Variants in PPP2R2B observed in about 807,000 individuals in gnomAD.
PPP2R2B encodes serine/threonine-protein phosphatase 2A 55 kDa regulatory subunit B beta isoform.
In PPP2R2B, 5 loss-of-function variants were observed where a neutral mutation model predicts 46.0. The observed-to-expected ratio is 0.11, with a 90% confidence interval of 0.06 to 0.23. The LOEUF (loss-of-function observed/expected upper bound fraction) is 0.23. PPP2R2B is among the 10% of genes least tolerant of loss of function. The pLI is 1.00. For synonymous variants in PPP2R2B, 215 were observed against 206.7 expected (o/e 1.04, Z -0.34); for missense variants, 367 against 575.0 (o/e 0.64, Z 3.70).
intron 2 of PPP2R2B, among the ~76,000 whole-genome samples, chr5:146,753,171 C>G (rs1212231943): frequency 6.6e-6 from 1 of 152,186 alleles, no homozygotes; most frequent in East Asian, 1.9e-4. Flanking sequence ...TTGTATTTAT[C>G]ATGACACATG....
intron 1 of PPP2R2B, among the ~76,000 whole-genome samples, chr5:146,966,620 C>G (rs1351121863): frequency 1.3e-5 from 2 of 152,180 alleles, no homozygotes; most frequent in Non-Finnish European, 2.9e-5. Flanking sequence ...ATCCCCTTCT[C>G]TTGCCCCTAA....
intron 5 of PPP2R2B, among the ~76,000 whole-genome samples, chr5:146,666,954 C>T (rs1259503141): frequency 2.0e-5 from 3 of 152,136 alleles, no homozygotes; most frequent in Admixed American, 6.6e-5. Context: ...AATGTGATTT[C>T]CTAACCTCTC....
intron 2 of PPP2R2B, among the ~76,000 whole-genome samples, chr5:146,748,092 T>A (rs1374672333): frequency 1.3e-5 from 2 of 152,212 alleles, no homozygotes; most frequent in Admixed American, 6.5e-5. Context: ...TGTAACTGCA[T>A]GACCTCATTT....
chr5:146,958,804 C>T (rs577599228), intron 1 of PPP2R2B, among the ~76,000 whole-genome samples: 4 of 152,170 alleles, frequency 2.6e-5, no homozygotes, highest in Non-Finnish European at 5.9e-5. Flanking sequence ...CTTCCGAGTG[C>T]CTTTGTGTGA....
exon 1 of PPP2R2B, chr5:147,055,826 C>T (rs1757063915): frequency 6.5e-7 from 1 of 1,533,040 alleles, no homozygotes. Flanking sequence ...AAGCTGGCTA[C>T]ATCACCAATA....
chr5:146,964,576 A>G (rs1752320318), intron 1 of PPP2R2B, among the ~76,000 whole-genome samples: 1 of 151,622 alleles, frequency 6.6e-6, no homozygotes, highest in African/African-American at 2.4e-5. Flanking sequence ...CCCAGACTGG[A>G]GTGCAGTGGC....
Position 146,589,437 on chromosome 5 carries a change from T to TG in PPP2R2B, c.*509dup, listed in dbSNP as rs1221096399. The TG allele has an allele frequency of 6.5e-6, 1 of 152,746 alleles. No homozygotes were observed. The highest frequency in any genetic ancestry group is 1.5e-5 in the Non-Finnish European group (1 of 68,750). 9.5% of individuals were successfully genotyped at this position (152,746 alleles called of 1,614,324 possible). ...AAATTGTTCAAAGGAAAATGGAAAA[T>TG]GGAAAAAAAAATGGTGGAGGGGCAG... On this transcript the variant is annotated 3_prime_UTR_variant, in exon 10 of 10. Transcript: ENST00000394411.
intron 2 of PPP2R2B, among the ~76,000 whole-genome samples, chr5:146,773,948 TC>T (rs1283153863): frequency 6.6e-6 from 1 of 152,158 alleles, no homozygotes; most frequent in Non-Finnish European, 1.5e-5. Context: ...CTGTAAACAT[TC>T]CCACTGCAAC....
chr5:146,830,559 C>G (rs371753392), intron 2 of PPP2R2B, among the ~76,000 whole-genome samples: 2 of 150,432 alleles, frequency 1.3e-5, no homozygotes, highest in East Asian at 2.0e-4. Context: ...GAGTCTCACT[C>G]TGTCGCCCAG....
At chr5:146,816,493 C>T (rs1014266626) in intron 2 of PPP2R2B, among the ~76,000 whole-genome samples, 1 of 152,026 alleles carries the variant, frequency 6.6e-6, no homozygotes, top group Non-Finnish European at 1.5e-5. Context: ...AGAGTTTATG[C>T]GCCTATTAAA....
intron 7 of PPP2R2B, among the ~76,000 whole-genome samples, chr5:146,632,779 G>A (rs1040108269): frequency 1.3e-5 from 2 of 152,142 alleles, no homozygotes; most frequent in Admixed American, 1.3e-4. Flanking sequence ...TAGAGTGTGT[G>A]GGGGGCAGGG....
intron 1 of PPP2R2B, among the ~76,000 whole-genome samples, chr5:146,919,194 A>T (rs1326244308): frequency 6.6e-6 from 1 of 152,228 alleles, no homozygotes; most frequent in East Asian, 1.9e-4. Flanking sequence ...ACTCTACAGC[A>T]CTGTCTTCTC....
At position 147,074,112 on chromosome 5, in the gene PPP2R2B, T is replaced by A. The variant is rs577678511; in HGVS notation, c.50+6947A>T. Among the ~76,000 whole-genome samples, 764 of 152,120 alleles carry A rather than the reference T, an allele frequency of 5.0e-3. 7 individuals carry two copies. Among genetic ancestry groups the A allele is most frequent in the African/African-American group, 0.018 (733 of 41,510 alleles). On this transcript the variant is annotated intron_variant, in intron 2 of 10. Transcript: ENST00000394413. ...TTGACTCCATCCCAGACCTAGTGAA[T>A]CAGAATCTCTAGAGGTAGAATCTAG...
chr5:146,808,958 G>GGTGTGTGTGTGTGTGTGTGT (rs35023590), intron 2 of PPP2R2B, among the ~76,000 whole-genome samples: 10 of 146,262 alleles, frequency 6.8e-5, no homozygotes, highest in African/African-American at 2.3e-4. Flanking sequence ...TGCTAACACT[G>GGTGTGTGTGTGTGTGTGTGT]GTGTGTGTGT....
At chr5:146,688,307 TA>T (rs1778632425) in intron 5 of PPP2R2B, among the ~76,000 whole-genome samples, 1 of 151,768 alleles carries the variant, frequency 6.6e-6, no homozygotes, top group African/African-American at 2.4e-5. Flanking sequence ...AACAGGTTCA[TA>T]AAAATGATAG....
rs371084550 is a variant in PPP2R2B at position 147,031,153 on chromosome 5, C to T, written c.79+24512G>A. Among the ~76,000 whole-genome samples the T allele has an allele frequency of 2.8e-4, 42 of 152,024 alleles. 1 individual carries two copies. The East Asian group carries it at 2.9e-3, about 11-fold the overall frequency. ...TCGGGAGGCTGAGGCAGGAGAATGG[C>T]GTGAACCCGGGAGGCGGAGCTTGCA... On this transcript the variant is annotated intron_variant, in intron 1 of 8. Coordinates refer to the PPP2R2B transcript ENST00000336640.
chr5:147,011,492 T>C (rs1235484748), intron 1 of PPP2R2B, among the ~76,000 whole-genome samples: 1 of 152,174 alleles, frequency 6.6e-6, no homozygotes. Flanking sequence ...AAAATTACCT[T>C]CAGACTATGT....
intron 2 of PPP2R2B, among the ~76,000 whole-genome samples, chr5:146,774,172 T>C (rs969959282): frequency 4.6e-5 from 7 of 152,218 alleles, no homozygotes; most frequent in African/African-American, 1.7e-4. Context: ...TTTAGTTTTC[T>C]GAAAATTGAT....
intron 1 of PPP2R2B, among the ~76,000 whole-genome samples, chr5:147,028,722 G>A (rs1755640668): frequency 6.6e-6 from 1 of 152,150 alleles, no homozygotes; most frequent in African/African-American, 2.4e-5. Flanking sequence ...TGGATTTACT[G>A]TATGGGTATG....
Sources: gnomAD v4.1 joint callset for allele counts (sites outside exome capture counted in the v4.1 genomes callset) on GRCh38, gnomAD v4.1.1 for gene constraint, MANE v1.5 for transcripts, NCBI Gene and HGNC (gene_info 2026-07-23, HGNC 2026-07-21) for gene names.